BRCA1: variants seen among roughly 807,000 people sequenced by gnomAD.
BRCA1 encodes BRCA1 DNA repair associated.
In BRCA1, 140 loss-of-function variants were observed where a neutral mutation model predicts 173.7. The ratio of observed to expected loss-of-function variants is 0.81; its 90% confidence interval spans 0.70 to 0.93. The LOEUF is 0.93. BRCA1 is among the 40% of genes least tolerant of loss of function. The pLI, the probability that BRCA1 is intolerant of heterozygous loss-of-function variation, is 0.00. For synonymous variants in BRCA1, 662 were observed against 756.0 expected, an observed-to-expected ratio of 0.88 and a Z score of 2.04; for missense variants, 1,983 against 2,172.5, an observed-to-expected ratio of 0.91 and a Z score of 1.73.
intron 1 of BRCA1, chr17:43,144,307 CT>C: frequency 3.9e-6 from 1 of 257,212 alleles, no homozygotes; most frequent in Non-Finnish European, 8.0e-6. Context: ...CATGCATGGG[CT>C]TGAGGGCTTG....
rs1273831084 is a variant in BRCA1 at position 43,044,522 on chromosome 17, G to A, written c.*1156C>T. 2.0e-6 allele frequency: 1 copy of A among 506,114 alleles called. No individual in the cohort carries two copies. The highest frequency in any genetic ancestry group is 3.9e-6 in the Non-Finnish European group (1 of 258,498). 31.4% of individuals were successfully genotyped at this position (506,114 alleles called of 1,614,324 possible). ...AGCTGTATGGTTTCAGCAACAGGGA[G>A]CAAAGGAAAAAAATCACCTCAAAGA... On this transcript the variant is annotated 3_prime_UTR_variant, in exon 23 of 23. Coordinates refer to ENST00000357654, the MANE Select transcript of BRCA1 (RefSeq NM_007294.4).
intron 1 of BRCA1, among the ~76,000 whole-genome samples, chr17:43,150,998 A>G (rs908998742): frequency 3.3e-5 from 5 of 152,166 alleles, no homozygotes; most frequent in African/African-American, 1.2e-4. Flanking sequence ...TGCCCATCAA[A>G]CACAGACAGT....
chr17:43,045,712 T>C lies in BRCA1; in HGVS notation c.5558A>G (p.Tyr1853Cys), dbSNP rs80357258. ...ALYQCQELDT[Y>C]LIPQIPHSHY ...GCTGTGGGGGATCTGGGGTATCAGG[T>C]AGGTGTCCAGCTCCTGGCACTGGTA... The change falls in exon 23 of 23, where the codon TAC becomes TGC. Residue 1853 changes from tyrosine (Y) to cysteine (C), a missense_variant. Transcript: ENST00000357654. 6.2e-7 allele frequency: 1 copy of C among 1,613,876 alleles called. No individual in the cohort carries two copies. The highest frequency in any genetic ancestry group is 8.5e-7 in the Non-Finnish European group (1 of 1,179,864).
Position 43,094,658 on chromosome 17 carries a change from T to C in BRCA1, c.873A>G (p.Leu291=), listed in dbSNP as rs2154488173. 1 of 1,614,156 alleles carries C rather than the reference T, an allele frequency of 6.2e-7. No homozygotes were observed. Among genetic ancestry groups the C allele is most frequent in the Non-Finnish European group, 8.5e-7 (1 of 1,180,032 alleles). ...SSLQHENSSL[L]LTKDRMNVEK... Reference sequence around the variant, plus strand: ...CTACATTCATTCTGTCTTTAGTGAGTAATAAACTGCTGTTCTCATGCTGTA... The same window carrying C: ...CTACATTCATTCTGTCTTTAGTGAGCAATAAACTGCTGTTCTCATGCTGTA... Residue 291 remains leucine, a synonymous_variant, in exon 10 of 23, where the codon TTA becomes TTG. Coordinates refer to ENST00000357654, the MANE Select transcript of BRCA1 (RefSeq NM_007294.4).
intron 1 of BRCA1, chr17:43,161,999 C>T (rs2056239156): frequency 6.6e-6 from 1 of 152,164 alleles, no homozygotes; most frequent in South Asian, 2.1e-4. Flanking sequence ...AACTTCTCCT[C>T]GAACCAAGAT....
intron 1 of BRCA1, chr17:43,142,451 C>G (rs1300929160): frequency 1.3e-5 from 2 of 152,234 alleles, no homozygotes; most frequent in Admixed American, 6.5e-5. Context: ...TCCCTATGTC[C>G]TACAGCCGGA....
chr17:43,065,578 C>T (rs2052032338), intron 16 of BRCA1, among the ~76,000 whole-genome samples: 2 of 152,132 alleles, frequency 1.3e-5, no homozygotes, highest in Admixed American at 6.6e-5. Flanking sequence ...GCAGGAGAAT[C>T]GCTTGAACCC....
At chr17:43,118,002 T>C (rs185224768) in intron 2 of BRCA1, among the ~76,000 whole-genome samples, 50 of 151,570 alleles carry the variant, frequency 3.3e-4, no homozygotes, top group African/African-American at 1.1e-3. Context: ...AAAGAATACA[T>C]GGGAATAAGT....
intron 2 of BRCA1, among the ~76,000 whole-genome samples, chr17:43,117,271 G>A (rs945559863): frequency 6.6e-6 from 1 of 152,056 alleles, no homozygotes; most frequent in Non-Finnish European, 1.5e-5. Flanking sequence ...GTGAAACCCT[G>A]TCTACGCTAA....
intron 1 of BRCA1, among the ~76,000 whole-genome samples, chr17:43,135,345 C>T (rs760545251): frequency 2.0e-5 from 3 of 152,254 alleles, no homozygotes; most frequent in Non-Finnish European, 4.4e-5. Flanking sequence ...GAACTTTCTT[C>T]CAACTGCCGT....
upstream of BRCA1, among the ~76,000 whole-genome samples, chr17:43,129,771 G>T (rs1180698753): frequency 2.0e-5 from 3 of 152,172 alleles, no homozygotes. Flanking sequence ...ACCGCACCTG[G>T]CAGGAAGTGT....
intron 7 of BRCA1, among the ~76,000 whole-genome samples, chr17:43,099,194 C>T (rs2054263659): frequency 6.6e-6 from 1 of 151,924 alleles, no homozygotes; most frequent in Non-Finnish European, 1.5e-5. Flanking sequence ...AGCAATCCAT[C>T]ATGTTTTTTC....
At chr17:43,121,605 C>T (rs1212456389) in intron 2 of BRCA1, among the ~76,000 whole-genome samples, 1 of 141,474 alleles carries the variant, frequency 7.1e-6, no homozygotes, top group Non-Finnish European at 1.5e-5. Flanking sequence ...ATTGCTTGAA[C>T]CCGGGAGGTG....
At chr17:43,160,991 CA>C (rs1441554655) in intron 1 of BRCA1, 1 of 152,158 alleles carries the variant, frequency 6.6e-6, no homozygotes, top group East Asian at 1.9e-4. Flanking sequence ...AACATGGCCC[CA>C]GGATCAAATC....
chr17:43,104,468 T>C (rs1244473970), intron 5 of BRCA1, among the ~76,000 whole-genome samples: 1 of 152,112 alleles, frequency 6.6e-6, no homozygotes, highest in Non-Finnish European at 1.5e-5. Flanking sequence ...ACACAGACCA[T>C]CAAAGTTATT....
chr17:43,135,646 C>T (rs1352093046), intron 1 of BRCA1, among the ~76,000 whole-genome samples: 2 of 152,180 alleles, frequency 1.3e-5, no homozygotes, highest in Non-Finnish European at 1.5e-5. Flanking sequence ...GTCCATAGGG[C>T]GGCGCCAGAC....
At chr17:43,048,697 T>C (rs1394203435) in intron 21 of BRCA1, among the ~76,000 whole-genome samples, 2 of 151,196 alleles carry the variant, frequency 1.3e-5, no homozygotes, top group Non-Finnish European at 2.9e-5. Flanking sequence ...GTTTTTTTTT[T>C]TTTAGTACAG....
chr17:43,138,952 C>A (rs2056052394), intron 1 of BRCA1: 2 of 778,676 alleles, frequency 2.6e-6, no homozygotes, highest in Non-Finnish European at 4.8e-6. Flanking sequence ...AGTGGTACAA[C>A]CCCCTCCCCA....
At chr17:43,130,502 C>T (rs1279336772) in intron 1 of BRCA1, among the ~76,000 whole-genome samples, 1 of 152,126 alleles carries the variant, frequency 6.6e-6, no homozygotes, top group African/African-American at 2.4e-5. Flanking sequence ...TTATTAGAGA[C>T]GAAGTTTCAC....
Sources: gnomAD v4.1 joint callset for allele counts (sites outside exome capture counted in the v4.1 genomes callset) on GRCh38, gnomAD v4.1.1 for gene constraint, MANE v1.5 for transcripts, NCBI Gene and HGNC (gene_info 2026-07-23, HGNC 2026-07-21) for gene names.